Variants in ZNG1B observed in about 807,000 individuals in gnomAD.
The protein encoded by ZNG1B is zinc-regulated GTPase metalloprotein activator 1B.
At chr2:113,477,097 G>C in the ZNG1B span, among the ~76,000 whole-genome samples, 1 of 152,340 alleles carries the variant, frequency 6.6e-6, no homozygotes, top group Non-Finnish European at 1.5e-5. Flanking sequence ...CTGGGCAATG[G>C]CGGGCGCCCC....
chr2:113,480,988 A>G, the ZNG1B span, among the ~76,000 whole-genome samples: 5 of 150,182 alleles, frequency 3.3e-5, no homozygotes, highest in Non-Finnish European at 5.9e-5. Context: ...ATCCTTATCC[A>G]CTAGATTAGT....
the ZNG1B span, among the ~76,000 whole-genome samples, chr2:113,488,669 A>G: frequency 6.6e-6 from 1 of 151,486 alleles, no homozygotes; most frequent in Non-Finnish European, 1.5e-5. Context: ...CATAAATAAA[A>G]AACAATCAAA....
chr2:113,452,050 G>A, the ZNG1B span, among the ~76,000 whole-genome samples: 1 of 152,046 alleles, frequency 6.6e-6, no homozygotes, highest in East Asian at 1.9e-4. Context: ...TTCCCGTTTT[G>A]GAGACTGACA....
the ZNG1B span, among the ~76,000 whole-genome samples, chr2:113,474,267 A>G: frequency 0.21 from 32,435 of 151,024 alleles, 3,920 homozygotes; most frequent in East Asian, 0.52. Context: ...TTTCTAGTTT[A>G]TTTGCGTAGA....
chr2:113,495,844 A>G, the ZNG1B span: 1 of 567,864 alleles, frequency 1.8e-6, no homozygotes, highest in Non-Finnish European at 2.9e-6. Flanking sequence ...GAATTCCAAT[A>G]TACTTTAAAA....
the ZNG1B span, chr2:113,438,168 G>C: frequency 5.9e-6 from 9 of 1,525,722 alleles, no homozygotes; most frequent in Non-Finnish European, 7.2e-6. Flanking sequence ...CTTGCTTCTC[G>C]TATGGGTTGC....
the ZNG1B span, among the ~76,000 whole-genome samples, chr2:113,493,285 A>G: frequency 1.5e-5 from 2 of 133,654 alleles, no homozygotes; most frequent in African/African-American, 2.7e-5. Flanking sequence ...TGGGTAGCTT[A>G]TTTTTTTGAC....
the ZNG1B span, among the ~76,000 whole-genome samples, chr2:113,457,367 C>T: frequency 2.7e-4 from 39 of 147,164 alleles, no homozygotes; most frequent in African/African-American, 9.8e-4. Flanking sequence ...TGTAACCAAT[C>T]CATTTGAAAG....
chr2:113,459,155 C>T, the ZNG1B span, among the ~76,000 whole-genome samples: 1 of 152,018 alleles, frequency 6.6e-6, no homozygotes, highest in African/African-American at 2.4e-5. Flanking sequence ...CAATACTTGT[C>T]AAGTTCTGTG....
the ZNG1B span, chr2:113,462,472 A>G: frequency 2.2e-5 from 35 of 1,598,340 alleles, no homozygotes; most frequent in East Asian, 7.8e-4. Context: ...AGAAGATGTA[A>G]AGAAATTAAG....
At chr2:113,490,735 A>T in the ZNG1B span, among the ~76,000 whole-genome samples, 425 of 151,818 alleles carry the variant, frequency 2.8e-3, 3 homozygotes, top group African/African-American at 9.8e-3. Context: ...CCTAAAATAG[A>T]TGGAGAAATT....
chr2:113,453,987 C>G, the ZNG1B span, among the ~76,000 whole-genome samples: 1 of 152,060 alleles, frequency 6.6e-6, no homozygotes, highest in Non-Finnish European at 1.5e-5. Flanking sequence ...CTTAGTTAAG[C>G]GACTATGTTT....
At chr2:113,458,664 A>G in the ZNG1B span, among the ~76,000 whole-genome samples, 1 of 132,216 alleles carries the variant, frequency 7.6e-6, no homozygotes, top group African/African-American at 2.9e-5. Context: ...ATGGAAATGC[A>G]AAAACAAATC....
At chr2:113,460,917 G>A in the ZNG1B span, among the ~76,000 whole-genome samples, 25 of 150,670 alleles carry the variant, frequency 1.7e-4, no homozygotes, top group Admixed American at 4.0e-4. Context: ...CATTTTTGTC[G>A]TAGCATAAAG....
At chr2:113,491,992 A>G in the ZNG1B span, among the ~76,000 whole-genome samples, 1 of 129,152 alleles carries the variant, frequency 7.7e-6, no homozygotes, top group Non-Finnish European at 1.7e-5. Context: ...AAAATAGTAG[A>G]TGTTGGCATG....
the ZNG1B span, among the ~76,000 whole-genome samples, chr2:113,485,443 C>T: frequency 2.0e-3 from 288 of 143,144 alleles, 1 homozygote; most frequent in African/African-American, 7.3e-3. Context: ...GGGCCTGAAA[C>T]ATGTTGGTTA....
the ZNG1B span, among the ~76,000 whole-genome samples, chr2:113,442,605 C>A: frequency 6.6e-6 from 1 of 152,058 alleles, no homozygotes; most frequent in East Asian, 1.9e-4. Flanking sequence ...TACATTTATT[C>A]TTACTATTTT....
the ZNG1B span, among the ~76,000 whole-genome samples, chr2:113,481,186 A>G: frequency 6.9e-6 from 1 of 144,460 alleles, no homozygotes; most frequent in South Asian, 2.3e-4. Context: ...ATTTTTCGAA[A>G]TGTTTTTCTA....
the ZNG1B span, among the ~76,000 whole-genome samples, chr2:113,471,976 A>G: frequency 3.3e-5 from 5 of 152,006 alleles, no homozygotes; most frequent in African/African-American, 1.2e-4. Flanking sequence ...AGCATGATTT[A>G]TAGTCCTTTA....
Sources: allele counts gnomAD v4.1 joint callset (sites outside exome capture counted in the v4.1 genomes callset), GRCh38; gene constraint gnomAD v4.1.1; transcripts MANE v1.5; gene names NCBI Gene and HGNC (gene_info 2026-07-23, HGNC 2026-07-21).